Variants in CACNA2D1 observed in about 807,000 individuals in gnomAD.
CACNA2D1 encodes voltage-dependent calcium channel subunit alpha-2/delta-1.
CACNA2D1 carries 53 observed loss-of-function variants against 171.5 expected under a neutral mutation model. The ratio of observed to expected loss-of-function variants is 0.31; its 90% confidence interval spans 0.25 to 0.39. CACNA2D1 has a LOEUF of 0.39. Ranked by LOEUF, CACNA2D1 falls within the 10% of genes least tolerant of loss-of-function variation. CACNA2D1 has a pLI of 1.00. For missense variants in CACNA2D1, 903 were observed against 1,299.8 expected, an observed-to-expected ratio of 0.69 and a Z score of 4.69; for synonymous variants, 442 against 443.1, an observed-to-expected ratio of 1.00 and a Z score of 0.03.
chr7:82,106,716 T>C (rs1787804906), intron 6 of CACNA2D1, among the ~76,000 whole-genome samples: 1 of 152,146 alleles, frequency 6.6e-6, no homozygotes, highest in Admixed American at 6.5e-5. Flanking sequence ...GAAAATCTAG[T>C]ATTGTAAAAT....
At chr7:81,965,485 C>G in intron 32 of CACNA2D1, 109 bp downstream of exon 32, 1 of 751,342 alleles carries the variant, frequency 1.3e-6, no homozygotes, top group Non-Finnish European at 2.5e-6. Context: ...TATTGTATGA[C>G]AGAAATAAAA....
intron 7 of CACNA2D1, among the ~76,000 whole-genome samples, chr7:82,070,171 G>A (rs1005171495): frequency 6.6e-6 from 1 of 152,118 alleles, no homozygotes; most frequent in African/African-American, 2.4e-5. Flanking sequence ...TTTGCACCAT[G>A]GCTCCAATAA....
chr7:82,255,451 A>C (rs771186252), intron 3 of CACNA2D1, among the ~76,000 whole-genome samples: 1 of 152,234 alleles, frequency 6.6e-6, no homozygotes, highest in Non-Finnish European at 1.5e-5. Flanking sequence ...TCATGTGAGA[A>C]AGAATTAACT....
intron 4 of CACNA2D1, among the ~76,000 whole-genome samples, chr7:82,141,636 T>C (rs1563108558): frequency 6.6e-6 from 1 of 152,170 alleles, no homozygotes; most frequent in Non-Finnish European, 1.5e-5. Flanking sequence ...GGAGCAAGTG[T>C]TCACCCTACA....
chr7:82,058,335 A>G (rs1806195643), intron 10 of CACNA2D1, among the ~76,000 whole-genome samples: 3 of 152,126 alleles, frequency 2.0e-5, no homozygotes, highest in Admixed American at 2.0e-4. Flanking sequence ...GACATTCACC[A>G]CATTGAATAT....
intron 1 of CACNA2D1, among the ~76,000 whole-genome samples, chr7:82,354,688 A>G: frequency 6.6e-6 from 1 of 152,166 alleles, no homozygotes; most frequent in East Asian, 1.9e-4. Context: ...GTATTTAAGG[A>G]CTTGGCACTA....
intron 28 of CACNA2D1, among the ~76,000 whole-genome samples, chr7:81,969,228 G>C (rs969665301): frequency 6.6e-6 from 1 of 151,340 alleles, no homozygotes; most frequent in South Asian, 2.1e-4. Context: ...ACAACATAAT[G>C]AATACATGCC....
At chr7:82,171,172 A>G (rs1447986804) in intron 3 of CACNA2D1, among the ~76,000 whole-genome samples, 1 of 152,012 alleles carries the variant, frequency 6.6e-6, no homozygotes, top group Non-Finnish European at 1.5e-5. Flanking sequence ...AAATTGCTTT[A>G]TTTCACCTTC....
chr7:82,225,879 T>C (rs1010711097), intron 3 of CACNA2D1, among the ~76,000 whole-genome samples: 3 of 152,208 alleles, frequency 2.0e-5, no homozygotes, highest in African/African-American at 4.8e-5. Flanking sequence ...ATCATGTTTT[T>C]CAATGCAAAT....
rs1795309850 is a variant in CACNA2D1, at chr7:81,971,804, T to C, written c.2114A>G (p.Gln705Arg). 6.2e-7 allele frequency: 1 copy of C among 1,604,382 alleles called. No homozygotes were observed. Among genetic ancestry groups the C allele is most frequent in the East Asian group, 2.2e-5 (1 of 44,680 alleles). ...LDAGFTNELV[Q>R]NYWSKQKNIK... The stretch of plus-strand genomic sequence containing the variant: ...ATTTTTCTGCTTACTCCAGTAATTT[T>C]GGACAAGTTCATTTGTAAAGCCTGC... The change falls in exon 26 of 39, where the codon CAA (glutamine) becomes CGA (arginine). Residue 705 changes from glutamine to arginine, a missense_variant. Gln to Arg is a conservative substitution (Grantham distance 43). Transcript: ENST00000356860.
At chr7:81,982,075 A>G (rs1178027299) in intron 24 of CACNA2D1, among the ~76,000 whole-genome samples, 1 of 152,168 alleles carries the variant, frequency 6.6e-6, no homozygotes, top group East Asian at 1.9e-4. Flanking sequence ...ACAAGAGCAA[A>G]GCCTATGTCC....
intron 6 of CACNA2D1, among the ~76,000 whole-genome samples, chr7:82,099,825 A>T (rs993823906): frequency 6.6e-5 from 10 of 152,156 alleles, no homozygotes; most frequent in African/African-American, 2.4e-4. Flanking sequence ...TCTGTTCTCT[A>T]TGTAAACTGA....
chr7:82,141,360 T>C (rs1792357722), intron 4 of CACNA2D1, among the ~76,000 whole-genome samples: 1 of 147,086 alleles, frequency 6.8e-6, no homozygotes, highest in Non-Finnish European at 1.5e-5. Flanking sequence ...AATAGAAAAT[T>C]AGGGGAGGAA....
At chr7:82,286,132 A>G (rs1171036826) in intron 3 of CACNA2D1, among the ~76,000 whole-genome samples, 1 of 151,894 alleles carries the variant, frequency 6.6e-6, no homozygotes, top group Non-Finnish European at 1.5e-5. Context: ...TGCTTATTTA[A>G]CATTTGTGTG....
intron 6 of CACNA2D1, among the ~76,000 whole-genome samples, chr7:82,101,730 G>A (rs1812699287): frequency 6.6e-6 from 1 of 152,062 alleles, no homozygotes; most frequent in African/African-American, 2.4e-5. Flanking sequence ...TTATTTTATT[G>A]ATAGTTTAAA....
intron 3 of CACNA2D1, among the ~76,000 whole-genome samples, chr7:82,231,310 AT>A (rs959117921): frequency 2.0e-5 from 3 of 152,164 alleles, no homozygotes; most frequent in Non-Finnish European, 4.4e-5. Flanking sequence ...ATGGAGAGAG[AT>A]CCTGTTGTAT....
At chr7:81,974,627 CTATTT>C (rs1795639242) in intron 24 of CACNA2D1, 75 bp from the exon 25 acceptor site, 5 of 709,744 alleles carry the variant, frequency 7.0e-6, no homozygotes, top group South Asian at 6.5e-5. Context: ...AGTGAAAACA[CTATTT>C]TTTTTTTTTA....
At chr7:82,218,976 TG>T (rs780475712) in intron 3 of CACNA2D1, among the ~76,000 whole-genome samples, 1 of 152,288 alleles carries the variant, frequency 6.6e-6, no homozygotes, top group African/African-American at 2.4e-5. Flanking sequence ...ATGGTCTTCA[TG>T]GGATCCTCCA....
At chr7:82,087,251 A>G (rs1179030654) in intron 6 of CACNA2D1, among the ~76,000 whole-genome samples, 1 of 152,146 alleles carries the variant, frequency 6.6e-6, no homozygotes, top group East Asian at 1.9e-4. Context: ...CCATTATCCT[A>G]TTAGTCACAG....
Sources: allele counts gnomAD v4.1 joint callset (sites outside exome capture counted in the v4.1 genomes callset), GRCh38; gene constraint gnomAD v4.1.1; transcripts MANE v1.5; gene names NCBI Gene and HGNC (gene_info 2026-07-23, HGNC 2026-07-21).